The following SDK2 variants were observed in gnomAD, a reference collection of about 807,000 sequenced individuals.
SDK2 encodes protein sidekick-2.
In SDK2, 105 loss-of-function variants were observed where a neutral mutation model predicts 253.9. The observed-to-expected ratio is 0.41, with a 90% CI of 0.35 to 0.49. The LOEUF is 0.49. SDK2 is among the 20% of genes least tolerant of loss of function. SDK2 has a pLI of 0.06. For missense variants in SDK2, 2,608 were observed against 3,003.0 expected (o/e 0.87, Z 3.07); for synonymous variants, 1,249 against 1,234.9 (o/e 1.01, Z -0.24).
intron 34 of SDK2, 50 bp downstream of exon 34, chr17:73,380,844 C>A: frequency 6.7e-7 from 1 of 1,502,108 alleles, no homozygotes. Context: ...CACTCCCAAT[C>A]CCCTGCGAGG....
intron 36 of SDK2, among the ~76,000 whole-genome samples, chr17:73,373,177 C>G (rs1045535696): frequency 6.6e-6 from 1 of 152,186 alleles, no homozygotes; most frequent in African/African-American, 2.4e-5. Flanking sequence ...GCAGGTTCAT[C>G]CGTGTTGTTG....
rs1203619577 is a variant in SDK2 at position 73,642,795 on chromosome 17, T to G, written c.64+1230A>C. Among the ~76,000 whole-genome samples the G allele has an allele frequency of 6.6e-6, 1 of 152,180 alleles. No homozygotes were observed. Among genetic ancestry groups the G allele is most frequent in the Non-Finnish European group, 1.5e-5 (1 of 68,036 alleles). Reference sequence around the variant, plus strand: ...GCTCGTTACAAAATTTCGAAGTGCTTTTATGTAAATTACCTCGTAAAATCC... The same window carrying G: ...GCTCGTTACAAAATTTCGAAGTGCTGTTATGTAAATTACCTCGTAAAATCC... On this transcript the variant is annotated intron_variant, in intron 1 of 44. Transcript: ENST00000392650. The surrounding 1 kb of genome is among the most constrained non-coding windows in gnomAD (Gnocchi z 4.7).
intron 37 of SDK2, among the ~76,000 whole-genome samples, 193 bp downstream of exon 37, chr17:73,368,214 A>T (rs2062701938): frequency 6.6e-6 from 1 of 151,988 alleles, no homozygotes; most frequent in Admixed American, 6.6e-5. Flanking sequence ...CTTTATGGGG[A>T]CAGCTTCTCT....
chr17:73,459,221 A>C (rs980229667), intron 3 of SDK2, among the ~76,000 whole-genome samples: 1 of 152,080 alleles, frequency 6.6e-6, no homozygotes, highest in African/African-American at 2.4e-5. Flanking sequence ...CTCCAGCTGC[A>C]CAGACCCTGG....
intron 36 of SDK2, among the ~76,000 whole-genome samples, chr17:73,375,052 T>G (rs2062766085): frequency 1.3e-5 from 2 of 151,912 alleles, no homozygotes; most frequent in Admixed American, 1.3e-4. Flanking sequence ...CATCTCCCAT[T>G]GCGCTCCCTG....
At chr17:73,403,257 A>G (rs2063043792) in intron 18 of SDK2, among the ~76,000 whole-genome samples, 1 of 152,188 alleles carries the variant, frequency 6.6e-6, no homozygotes, top group African/African-American at 2.4e-5. Context: ...TACTTCCTAC[A>G]GAGCTGGGAA....
intron 2 of SDK2, among the ~76,000 whole-genome samples, chr17:73,479,718 T>C (rs2063709559): frequency 6.6e-6 from 1 of 152,212 alleles, no homozygotes; most frequent in Non-Finnish European, 1.5e-5. Flanking sequence ...TGAGACAGAG[T>C]CTCGCTCTGT....
intron 1 of SDK2, among the ~76,000 whole-genome samples, chr17:73,590,914 T>C (rs937731458): frequency 6.6e-6 from 1 of 152,170 alleles, no homozygotes; most frequent in African/African-American, 2.4e-5. Flanking sequence ...TATTTATTTG[T>C]TTATGTTTAT....
At chr17:73,426,978 G>C (rs962818168) in intron 12 of SDK2, among the ~76,000 whole-genome samples, 1 of 152,078 alleles carries the variant, frequency 6.6e-6, no homozygotes, top group East Asian at 1.9e-4. Flanking sequence ...CCAGCTACTC[G>C]GGAGGCTGAG....
At chr17:73,345,320 A>C (rs75604400) in intron 44 of SDK2, among the ~76,000 whole-genome samples, 5 of 148,576 alleles carry the variant, frequency 3.4e-5, no homozygotes, top group Non-Finnish European at 6.0e-5. Context: ...ACTTCATTTC[A>C]AAAAAAAAAG....
At chr17:73,590,063 T>G (rs2045661213) in intron 1 of SDK2, among the ~76,000 whole-genome samples, 1 of 152,196 alleles carries the variant, frequency 6.6e-6, no homozygotes, top group African/African-American at 2.4e-5. Context: ...TTACAGACTC[T>G]TACATGCTGC....
Position 73,380,968 on chromosome 17 carries a change from C to T in SDK2, c.4706-18G>A, listed in dbSNP as rs751128775. ...GTACATGGCTATGGGGTGGGGGTGC[C>T]GGGGCGGGGGCGCAGAGGGAGACAG... On this transcript the variant is annotated intron_variant, in intron 33 of 44. Transcript: ENST00000392650. 3.2e-6 allele frequency: 2 copies of T among 618,852 alleles called. No homozygotes were observed. The highest frequency in any genetic ancestry group is 1.6e-5 in the South Asian group (1 of 63,954). The allele number at this position is 618,852 out of a possible 1,614,324, so 38.3% of individuals were successfully genotyped here. A position where few individuals can be genotyped will look rare whatever the true frequency, so the allele number is the denominator to read the frequency against.
At chr17:73,350,999 G>A (rs147603012) in intron 41 of SDK2, among the ~76,000 whole-genome samples, 1 of 152,200 alleles carries the variant, frequency 6.6e-6, no homozygotes, top group Non-Finnish European at 1.5e-5. Flanking sequence ...GCTGATGTCA[G>A]ATGAGTTCTG....
chr17:73,400,740 A>G (rs1287734250), intron 21 of SDK2, among the ~76,000 whole-genome samples: 2 of 144,080 alleles, frequency 1.4e-5, no homozygotes, highest in Non-Finnish European at 3.1e-5. Flanking sequence ...TGCAACCTCT[A>G]CCTCCTGGGT....
At position 73,390,447 on chromosome 17, in the gene SDK2, C is replaced by G. The variant is rs138263278; in HGVS notation, c.4032G>C (p.Thr1344=). The G allele has an allele frequency of 1.2e-6, 2 of 1,612,044 alleles. No homozygotes were observed. ...GCACCTCCACAGTGGCGGTGTTGGC[C>G]GTGGTGGTGTTGAGCCGGTGTGTGA... ...YQITHRLNTT[T]ANTATVEVLA... Residue 1344 remains threonine (T), a synonymous_variant, in exon 29 of 45, where the codon ACG becomes ACC. Coordinates refer to ENST00000392650, the MANE Select transcript of SDK2 (RefSeq NM_001144952.2).
rs1165942350 is a variant in SDK2 at position 73,379,445 on chromosome 17, C to T, written c.4864+3G>A. On this transcript the variant is annotated splice_donor_region_variant and intron_variant, in intron 35 of 44. Coordinates refer to ENST00000392650, the MANE Select transcript of SDK2 (RefSeq NM_001144952.2). The surrounding 1 kb of genome is among the most constrained non-coding windows in gnomAD (Gnocchi z 4.5). ...GGGGCCGGACAGGGCGGGCGCTGCT[C>T]ACCTGCCTCCCCAACAAAGACCTCC... The T allele has an allele frequency of 1.2e-6, 2 of 1,600,216 alleles. No individual in the cohort carries two copies. The highest frequency in any genetic ancestry group is 1.7e-6 in the Non-Finnish European group (2 of 1,172,046).
At chr17:73,384,785 C>G (rs928773144) in intron 32 of SDK2, among the ~76,000 whole-genome samples, 2 of 152,182 alleles carry the variant, frequency 1.3e-5, no homozygotes, top group African/African-American at 4.8e-5. Flanking sequence ...CACTGTACTC[C>G]AGCCTGGGCA....
Position 73,447,799 on chromosome 17 carries a change from C to A in SDK2, c.480-51G>T, listed in dbSNP as rs566294514. 6.5e-7 allele frequency: 1 copy of A among 1,549,230 alleles called. No homozygotes were observed. The highest frequency in any genetic ancestry group is 8.7e-7 in the Non-Finnish European group (1 of 1,145,264). Reference sequence around the variant, plus strand: ...GACAGGGGCCTAAGGGGCTCTGAACCTCCAGGGAGTGGGAGTGGAAACCCT... The same window carrying A: ...GACAGGGGCCTAAGGGGCTCTGAACATCCAGGGAGTGGGAGTGGAAACCCT... On this transcript the variant is annotated intron_variant, in intron 4 of 44. Transcript: ENST00000392650. This position sits in a 1 kb window ranked among gnomAD's most constrained non-coding sequence, Gnocchi z 4.0.
chr17:73,578,757 G>A (rs1486187666), intron 1 of SDK2, among the ~76,000 whole-genome samples: 1 of 152,130 alleles, frequency 6.6e-6, no homozygotes, highest in Non-Finnish European at 1.5e-5. Flanking sequence ...CTCAGGCAGG[G>A]AAGGTGGACT....
Sources: allele counts gnomAD v4.1 joint callset (sites outside exome capture counted in the v4.1 genomes callset), GRCh38; gene constraint gnomAD v4.1.1; non-coding constraint Gnocchi (gnomAD v3.1); transcripts MANE v1.5; gene names NCBI Gene and HGNC (gene_info 2026-07-23, HGNC 2026-07-21).